TMEM243: variants seen among roughly 807,000 people sequenced by gnomAD.
The protein encoded by TMEM243 is MDR1 and mitochondrial taxol resistance associated.
In TMEM243, 20 loss-of-function variants were observed where a neutral mutation model predicts 15.0. That is an observed-to-expected ratio of 1.33 (90% CI 0.94 to 1.93). TMEM243 has a LOEUF of 1.93. Among genes scored for constraint, TMEM243 ranks in the 30% most tolerant of loss-of-function variants. TMEM243 has a pLI of 0.00. For synonymous variants in TMEM243, 72 were observed against 52.7 expected (o/e 1.37, Z -1.59); for missense variants, 156 against 142.1 (o/e 1.10, Z -0.50).
chr7:87,212,306 G>C (rs1476887919), intron 1 of TMEM243, among the ~76,000 whole-genome samples: 1 of 152,190 alleles, frequency 6.6e-6, no homozygotes, highest in Non-Finnish European at 1.5e-5. Context: ...CAATTTCTAT[G>C]GCAGCTCCAA....
chr7:87,214,651 A>G (rs910509061), intron 1 of TMEM243, among the ~76,000 whole-genome samples: 2 of 152,240 alleles, frequency 1.3e-5, no homozygotes, highest in African/African-American at 4.8e-5. Context: ...AAGTCCCACA[A>G]CAAAGAAAAA....
chr7:87,198,625 A>G (rs1008692224), intron 2 of TMEM243: 1 of 248,514 alleles, frequency 4.0e-6, no homozygotes, highest in Middle Eastern at 1.4e-3. Flanking sequence ...TGTATACAGT[A>G]CAACTACTAT....
chr7:87,208,902 T>TG (rs1352932393), intron 1 of TMEM243, among the ~76,000 whole-genome samples: 1 of 152,282 alleles, frequency 6.6e-6, no homozygotes, highest in African/African-American at 2.4e-5. Flanking sequence ...GGCTGGGTGA[T>TG]GGCCCTGGCC....
chr7:87,205,728 TCAA>T (rs150290292), intron 1 of TMEM243, among the ~76,000 whole-genome samples: 5,610 of 152,250 alleles, frequency 0.037, 133 homozygotes, highest in Middle Eastern at 0.062. Context: ...TCAAAACCAA[TCAA>T]CAAGTCTCTA....
rs1803349944 is a variant in TMEM243 at position 87,219,510 on chromosome 7, G to A, written c.-7C>T. On this transcript the variant is annotated 5_prime_UTR_variant, in exon 1 of 4. Coordinates refer to ENST00000257637, the MANE Select transcript of TMEM243 (RefSeq NM_024315.4). ...TGGTAGCAAAGTCCTCCATTTTGGG[G>A]TTTCTTCACTTTCCCCAAGCCACTT... 7 of 1,613,918 alleles carry A rather than the reference G, an allele frequency of 4.3e-6. No individual in the cohort carries two copies. Among genetic ancestry groups the A allele is most frequent in the Non-Finnish European group, 5.1e-6 (6 of 1,179,916 alleles).
At chr7:87,216,276 A>C (rs1403569846) in intron 1 of TMEM243, among the ~76,000 whole-genome samples, 1 of 3,470 alleles carries the variant, frequency 2.9e-4, no homozygotes, top group Middle Eastern at 0.17. Flanking sequence ...TCCGTCTCAA[A>C]AAAAAAAAAA....
At chr7:87,205,341 ATT>A (rs555923491) in intron 1 of TMEM243, among the ~76,000 whole-genome samples, 1 of 142,368 alleles carries the variant, frequency 7.0e-6, no homozygotes, top group Non-Finnish European at 1.5e-5. Flanking sequence ...TCTCCTCAGG[ATT>A]TTTTTTTTTT....
upstream of TMEM243, among the ~76,000 whole-genome samples, chr7:87,219,888 G>C (rs1043524605): frequency 6.6e-6 from 1 of 152,226 alleles, no homozygotes; most frequent in Non-Finnish European, 1.5e-5. Context: ...GGCTAGCACA[G>C]CAAATCGCAG....
At chr7:87,219,180 G>A (rs952953997) in intron 1 of TMEM243, among the ~76,000 whole-genome samples, 1 of 152,100 alleles carries the variant, frequency 6.6e-6, no homozygotes, top group South Asian at 2.1e-4. Flanking sequence ...CCCCAGAAGG[G>A]CTTCCAACAA....
upstream of TMEM243, among the ~76,000 whole-genome samples, chr7:87,219,894 C>T (rs1803392156): frequency 6.6e-6 from 1 of 152,258 alleles, no homozygotes. Context: ...CACAGCAAAT[C>T]GCAGTCCCCT....
At chr7:87,213,784 T>C (rs1452159591) in intron 1 of TMEM243, among the ~76,000 whole-genome samples, 1 of 151,266 alleles carries the variant, frequency 6.6e-6, no homozygotes, top group Non-Finnish European at 1.5e-5. Context: ...TTTTCTTCTT[T>C]TTTTTTTTAT....
Position 87,215,278 on chromosome 7 carries a change from T to TTG in TMEM243, c.78+4146_78+4147dup, listed in dbSNP as rs200502474. On this transcript the variant is annotated intron_variant, in intron 1 of 3. Coordinates refer to ENST00000257637, the MANE Select transcript of TMEM243 (RefSeq NM_024315.4). ...GGTGCCACCATGCCCAGCTAATTTT[T>TTG]TGTGTGTGTGTGACAGGATCTCATT... Among the ~76,000 whole-genome samples, 1,261 of 152,150 alleles carry TTG rather than the reference T, an allele frequency of 8.3e-3. 14 individuals are homozygous for TTG. Among genetic ancestry groups the TTG allele is most frequent in the African/African-American group, 0.028 (1,182 of 41,496 alleles).
intron 1 of TMEM243, among the ~76,000 whole-genome samples, chr7:87,200,767 A>G (rs1249506944): frequency 1.3e-5 from 2 of 152,222 alleles, no homozygotes; most frequent in Admixed American, 1.3e-4. Flanking sequence ...TCTCAATACC[A>G]TTAAGTGATA....
intron 1 of TMEM243, among the ~76,000 whole-genome samples, chr7:87,217,920 T>C (rs1325959247): frequency 6.6e-6 from 1 of 152,250 alleles, no homozygotes; most frequent in East Asian, 1.9e-4. Flanking sequence ...GACAAGTCCA[T>C]TACACCAAGT....
intron 1 of TMEM243, among the ~76,000 whole-genome samples, chr7:87,208,670 TC>T (rs1802399092): frequency 6.6e-6 from 1 of 152,260 alleles, no homozygotes; most frequent in Non-Finnish European, 1.5e-5. Flanking sequence ...GACCATGTCT[TC>T]CTTGTTCACT....
intron 1 of TMEM243, 134 bp downstream of exon 1, chr7:87,219,291 GA>G: frequency 1.3e-6 from 1 of 784,260 alleles, no homozygotes. Context: ...TCTTGAGAGG[GA>G]AGTGGGATTG....
intron 1 of TMEM243, among the ~76,000 whole-genome samples, chr7:87,200,542 C>A (rs1801722771): frequency 6.6e-6 from 1 of 152,144 alleles, no homozygotes; most frequent in Non-Finnish European, 1.5e-5. Flanking sequence ...ACAGCTCCCA[C>A]CAATAGAAGT....
chr7:87,200,497 A>G (rs1334114359), intron 1 of TMEM243, among the ~76,000 whole-genome samples: 1 of 152,212 alleles, frequency 6.6e-6, no homozygotes, highest in Non-Finnish European at 1.5e-5. Flanking sequence ...TCTGAGCGCC[A>G]GGGATTTCCA....
chr7:87,197,571 C>G, intron 3 of TMEM243: 6 of 438,868 alleles, frequency 1.4e-5, no homozygotes, highest in Non-Finnish European at 1.9e-5. Flanking sequence ...CCAGAGTGCT[C>G]TATCTCTTCC....
Sources: gnomAD v4.1 joint callset for allele counts (sites outside exome capture counted in the v4.1 genomes callset) on GRCh38, gnomAD v4.1.1 for gene constraint, MANE v1.5 for transcripts, NCBI Gene and HGNC (gene_info 2026-07-23, HGNC 2026-07-21) for gene names.